PIK3C2A: variants seen among roughly 807,000 people sequenced by gnomAD.
The protein encoded by PIK3C2A is phosphatidylinositol 4-phosphate 3-kinase C2 domain-containing subunit alpha.
A neutral mutation model predicts 204.5 loss-of-function variants in PIK3C2A; 97 were observed. That is an observed-to-expected ratio of 0.47 (90% CI 0.40 to 0.56). PIK3C2A has a LOEUF of 0.56. Among genes scored for constraint, PIK3C2A ranks in the 20% least tolerant of loss-of-function variants. The pLI, the probability that PIK3C2A is intolerant of heterozygous loss-of-function variation, is 0.00. For synonymous variants in PIK3C2A, 653 were observed against 664.4 expected, an observed-to-expected ratio of 0.98 and a Z score of 0.26; for missense variants, 1,735 against 1,969.2, an observed-to-expected ratio of 0.88 and a Z score of 2.25.
chr11:17,153,198 G>A lies in PIK3C2A; in HGVS notation c.1169+2328C>T, dbSNP rs530517490. ...TGTAATGCCAGCACTTTGGGAGGCC[G>A]AGGTGGGCAGATCACCTGAGGTCAG... On this transcript the variant is annotated intron_variant, in intron 3 of 32. Coordinates refer to ENST00000691414, the MANE Select transcript of PIK3C2A (RefSeq NM_002645.4). Among the ~76,000 whole-genome samples, 268 of 152,182 alleles carry A rather than the reference G, an allele frequency of 1.8e-3. 1 individual carries two copies. The highest frequency in any genetic ancestry group is 3.0e-3 in the Non-Finnish European group (205 of 68,002).
chr11:17,089,647 ACAAGT>A lies in PIK3C2A; in HGVS notation c.*86_*90del. On this transcript the variant is annotated 3_prime_UTR_variant, in exon 33 of 33. Transcript: ENST00000691414. ...AGTATAAAAATACTATACAAAATTA[ACAAGT>A]GTGTGTGTGTGTGTCTGTGTGTGTG... 1 of 723,848 alleles carries A rather than the reference ACAAGT, an allele frequency of 1.4e-6. No individual in the cohort carries two copies. The highest frequency in any genetic ancestry group is 2.3e-6 in the Non-Finnish European group (1 of 442,802). The allele number at this position is 723,848 out of a possible 1,614,324, so 44.8% of individuals were successfully genotyped here. A position where few individuals can be genotyped will look rare whatever the true frequency, so the allele number is the denominator to read the frequency against.
chr11:17,154,404 G>GA (rs1177442543), intron 3 of PIK3C2A, among the ~76,000 whole-genome samples: 3 of 152,114 alleles, frequency 2.0e-5, no homozygotes, highest in South Asian at 2.1e-4. Context: ...CAATGGTCCA[G>GA]AAAATCTCAT....
intron 3 of PIK3C2A, 79 bp from the exon 4 acceptor site, chr11:17,150,734 T>C (rs1850399796): frequency 1.0e-6 from 1 of 970,692 alleles, no homozygotes; most frequent in Admixed American, 3.0e-5. Flanking sequence ...TTTACATGTT[T>C]ACAGCCACTC....
Position 17,169,123 on chromosome 11 carries a change from G to A in PIK3C2A, c.619C>T (p.His207Tyr), listed in dbSNP as rs1851071582. The change falls in exon 2 of 33, where the codon CAT (histidine) becomes TAT (tyrosine). Residue 207 changes from histidine to tyrosine, a missense_variant. Coordinates refer to ENST00000691414, the MANE Select transcript of PIK3C2A (RefSeq NM_002645.4). ...TAGATAGGTAAGCTTCCTTGTGGATGAAAGGGTGTGGCAGGTGTCAAAGGA... is the reference window on the plus strand; with the variant it reads ...TAGATAGGTAAGCTTCCTTGTGGATAAAAGGGTGTGGCAGGTGTCAAAGGA... ...SYPLTPATPF[H>Y]PQGSLPIYRP... 6.2e-7 allele frequency: 1 copy of A among 1,614,216 alleles called. No individual in the cohort carries two copies. The highest frequency in any genetic ancestry group is 8.5e-7 in the Non-Finnish European group (1 of 1,180,028).
rs1226371291 is a variant in PIK3C2A, at chr11:17,087,544, T to G, written c.*2194A>C. 1 of 152,212 alleles carries G rather than the reference T, an allele frequency of 6.6e-6. No homozygotes were observed. The highest frequency in any genetic ancestry group is 1.5e-5 in the Non-Finnish European group (1 of 68,032). The allele number at this position is 152,212 out of a possible 1,614,324, so 9.4% of individuals were successfully genotyped here. The stretch of plus-strand genomic sequence containing the variant: ...AGTGACAGGACATTTTTTAGCTCTA[T>G]TATTTGTGCTAAAAGACACTGTCAT... On this transcript the variant is annotated 3_prime_UTR_variant, in exon 33 of 33. Coordinates refer to ENST00000691414, the MANE Select transcript of PIK3C2A (RefSeq NM_002645.4).
At chr11:17,157,209 TACC>T (rs1316443227) in intron 2 of PIK3C2A, among the ~76,000 whole-genome samples, 11 of 152,040 alleles carry the variant, frequency 7.2e-5, no homozygotes, top group Non-Finnish European at 4.4e-5. Context: ...AAAAGTACAG[TACC>T]ACTGTGGGAG....
In PIK3C2A at chr11:17,189,777, C is replaced by G. The variant is rs1312404748; in HGVS notation, c.-66+18071G>C. Reference sequence around the variant, plus strand: ...AAAGTGAGCTGAAATTGAGCCACTGCACTCCAGCCTGGGTCACAGAGTGAG... The same window carrying G: ...AAAGTGAGCTGAAATTGAGCCACTGGACTCCAGCCTGGGTCACAGAGTGAG... On this transcript the variant is annotated intron_variant, in intron 1 of 32. Transcript: ENST00000691414. Among the ~76,000 whole-genome samples, 3 of 138,334 alleles carry G rather than the reference C, an allele frequency of 2.2e-5. No homozygotes were observed. In the East Asian group the frequency reaches 6.3e-4, roughly 29 times the overall value. 90.8% of individuals were successfully genotyped at this position (138,334 alleles called of 152,430 possible).
At chr11:17,096,845 C>T (rs543851214) in intron 27 of PIK3C2A, among the ~76,000 whole-genome samples, 3 of 152,196 alleles carry the variant, frequency 2.0e-5, no homozygotes, top group Non-Finnish European at 2.9e-5. Context: ...CTTTACCACT[C>T]GGTCCTTATT....
chr11:17,111,997 T>C (rs776888322), intron 21 of PIK3C2A, among the ~76,000 whole-genome samples: 1 of 150,184 alleles, frequency 6.7e-6, no homozygotes, highest in African/African-American at 2.5e-5. Context: ...AAACCAAATA[T>C]AGAGTTCAAA....
intron 13 of PIK3C2A, 21 bp downstream of exon 13, chr11:17,129,279 T>A: frequency 6.2e-7 from 1 of 1,604,106 alleles, no homozygotes. Context: ...TGACTCACCA[T>A]TACAATTCGG....
chr11:17,102,385 C>T (rs912816938), intron 24 of PIK3C2A, among the ~76,000 whole-genome samples: 2 of 152,060 alleles, frequency 1.3e-5, no homozygotes, highest in Non-Finnish European at 1.5e-5. Context: ...TGCAGTGAGC[C>T]GAGATCGTGC....
At chr11:17,190,305 C>T (rs143248707) in intron 1 of PIK3C2A, among the ~76,000 whole-genome samples, 17,675 of 151,606 alleles carry the variant, frequency 0.12, 1,273 homozygotes, top group Middle Eastern at 0.24. Context: ...AGGCTGGGTG[C>T]GGTGGCTCAC....
At chr11:17,142,914 G>A (rs1003924184) in intron 8 of PIK3C2A, among the ~76,000 whole-genome samples, 1 of 151,748 alleles carries the variant, frequency 6.6e-6, no homozygotes, top group African/African-American at 2.4e-5. Flanking sequence ...TTGTGGCAAG[G>A]AGAATAGAGA....
intron 5 of PIK3C2A, among the ~76,000 whole-genome samples, chr11:17,148,069 C>T (rs1049782882): frequency 2.6e-5 from 4 of 151,746 alleles, no homozygotes; most frequent in Non-Finnish European, 4.4e-5. Context: ...ATTAGCCAGG[C>T]GTGGTGGTGC....
chr11:17,151,248 C>T (rs756108542), intron 3 of PIK3C2A, among the ~76,000 whole-genome samples: 8 of 152,186 alleles, frequency 5.3e-5, no homozygotes, highest in Non-Finnish European at 1.0e-4. Flanking sequence ...AGGAGCAACA[C>T]AGTTCAAAAT....
chr11:17,167,575 T>C (rs1042125771), intron 2 of PIK3C2A, among the ~76,000 whole-genome samples: 5 of 152,124 alleles, frequency 3.3e-5, no homozygotes, highest in African/African-American at 1.2e-4. Context: ...GAGCCAAGAC[T>C]GCACCACTGC....
intron 27 of PIK3C2A, among the ~76,000 whole-genome samples, chr11:17,095,033 C>T (rs910104337): frequency 6.6e-6 from 1 of 151,994 alleles, no homozygotes; most frequent in Non-Finnish European, 1.5e-5. Context: ...AGGATCATTT[C>T]AGCCCTGGAG....
At chr11:17,167,579 C>T (rs1851007867) in intron 2 of PIK3C2A, among the ~76,000 whole-genome samples, 1 of 152,164 alleles carries the variant, frequency 6.6e-6, no homozygotes, top group East Asian at 1.9e-4. Context: ...CAAGACTGCA[C>T]CACTGCACTC....
At chr11:17,136,985 C>T (rs1449792990) in intron 8 of PIK3C2A, among the ~76,000 whole-genome samples, 1 of 152,112 alleles carries the variant, frequency 6.6e-6, no homozygotes, top group African/African-American at 2.4e-5. Context: ...TCTCTTCCTC[C>T]TGCAAAAATA....
Sources: allele counts gnomAD v4.1 joint callset (sites outside exome capture counted in the v4.1 genomes callset), GRCh38; gene constraint gnomAD v4.1.1; transcripts MANE v1.5; gene names NCBI Gene and HGNC (gene_info 2026-07-23, HGNC 2026-07-21).